Variants in LRRC37A observed in about 807,000 individuals in gnomAD.
LRRC37A encodes the protein leucine-rich repeat-containing protein 37A.
LRRC37A carries 3 observed loss-of-function variants against 35.4 expected under a neutral mutation model. That is an observed-to-expected ratio of 0.08 (90% CI 0.04 to 0.22). The LOEUF (loss-of-function observed/expected upper bound fraction) is 0.22. Ranked by LOEUF, LRRC37A falls within the 10% of genes least tolerant of loss-of-function variation. The pLI is 1.00. For synonymous variants in LRRC37A, 23 were observed against 215.0 expected (o/e 0.11, Z 7.81); for missense variants, 67 against 565.3 (o/e 0.12, Z 8.94).
chr17:46,259,019 A>ATTTTTCTTTTTTTT, the LRRC37A span, among the ~76,000 whole-genome samples: 1 of 79,450 alleles, frequency 1.3e-5, no homozygotes, highest in Non-Finnish European at 2.2e-5. Flanking sequence ...CACCCGGCCT[A>ATTTTTCTTTTTTTT]TTTTTTTTTT....
rs1385929297 is a variant in LRRC37A, at chr17:46,316,559, C to T, written c.2907-5763C>T. Among the ~76,000 whole-genome samples the T allele has an allele frequency of 3.0e-5, 2 of 66,130 alleles. 1 individual carries two copies. The highest frequency in any genetic ancestry group is 8.6e-5 in the Non-Finnish European group (2 of 23,124). 43.4% of individuals were successfully genotyped at this position (66,130 alleles called of 152,430 possible). On this transcript the variant is annotated intron_variant, in intron 5 of 13. Transcript: ENST00000320254. The stretch of plus-strand genomic sequence containing the variant: ...TAAGCAATGCTGTCACCTCAGCCTC[C>T]TGGGTAGCTGAGACTACAGGCATGC...
chr17:46,264,810 G>T, the LRRC37A span, among the ~76,000 whole-genome samples: 3 of 152,212 alleles, frequency 2.0e-5, no homozygotes, highest in African/African-American at 7.2e-5. Context: ...TACATTTCAG[G>T]GTGTGGGTTT....
the LRRC37A span, chr17:46,267,124 G>T: frequency 1.9e-6 from 1 of 517,814 alleles, no homozygotes; most frequent in African/African-American, 2.0e-5. Flanking sequence ...GCATGGACGG[G>T]CGAGAGGCGT....
chr17:46,286,228 C>T, the LRRC37A span, among the ~76,000 whole-genome samples: 12,791 of 138,140 alleles, frequency 0.093, 5 homozygotes, highest in Middle Eastern at 0.17. Flanking sequence ...CTTTCAAGAT[C>T]GACATTCCAG....
the LRRC37A span, among the ~76,000 whole-genome samples, chr17:46,256,954 T>C: frequency 6.6e-6 from 1 of 152,266 alleles, no homozygotes; most frequent in South Asian, 2.1e-4. Context: ...CTAACAGCTA[T>C]GTTTTATGTT....
At chr17:46,285,620 T>C in the LRRC37A span, among the ~76,000 whole-genome samples, 1 of 152,234 alleles carries the variant, frequency 6.6e-6, no homozygotes, top group Non-Finnish European at 1.5e-5. Flanking sequence ...GAGAGGAAGT[T>C]TCTTTAAAAA....
the LRRC37A span, among the ~76,000 whole-genome samples, chr17:46,262,006 G>C: frequency 6.6e-6 from 1 of 152,158 alleles, no homozygotes; most frequent in Non-Finnish European, 1.5e-5. Flanking sequence ...CTGGAGTGCA[G>C]TGATGCCACC....
chr17:46,249,373 G>A, the LRRC37A span, among the ~76,000 whole-genome samples: 32 of 152,112 alleles, frequency 2.1e-4, no homozygotes, highest in Non-Finnish European at 1.8e-4. Flanking sequence ...CTCCACTGCC[G>A]CCTGACACAC....
At chr17:46,291,764 A>G (rs1175107414), upstream of LRRC37A, among the ~76,000 whole-genome samples, 1 of 151,894 alleles carries the variant, frequency 6.6e-6, no homozygotes, top group Non-Finnish European at 1.5e-5. Flanking sequence ...GTCTCTACAA[A>G]AAAACAATGA....
chr17:46,325,999 T>C (rs2051713704), intron 7 of LRRC37A, among the ~76,000 whole-genome samples: 1 of 63,810 alleles, frequency 1.6e-5, no homozygotes, highest in African/African-American at 3.4e-5. Flanking sequence ...TTTGGGCTCA[T>C]GCCTGTAATC....
At chr17:46,266,236 C>T in the LRRC37A span, among the ~76,000 whole-genome samples, 1 of 152,232 alleles carries the variant, frequency 6.6e-6, no homozygotes. Context: ...GCGGCCATCA[C>T]TCTTTCTCCC....
chr17:46,250,265 G>A, the LRRC37A span, among the ~76,000 whole-genome samples: 1 of 151,856 alleles, frequency 6.6e-6, no homozygotes, highest in Non-Finnish European at 1.5e-5. Context: ...CGGGCCACTG[G>A]CTCCCAAATC....
At chr17:46,277,637 T>TTTTCTTTTC in the LRRC37A span, among the ~76,000 whole-genome samples, 88 of 150,354 alleles carry the variant, frequency 5.9e-4, no homozygotes, top group African/African-American at 1.0e-3. Context: ...TTTTCTTTTC[T>TTTTCTTTTC]TTTCTTTCTT....
the LRRC37A span, among the ~76,000 whole-genome samples, chr17:46,265,253 T>C: frequency 2.6e-4 from 1 of 3,812 alleles, no homozygotes; most frequent in African/African-American, 8.2e-4. Flanking sequence ...TCCTTTCTTC[T>C]TCTTCTTCTT....
the LRRC37A span, chr17:46,268,786 G>A: frequency 1.0e-6 from 1 of 959,828 alleles, no homozygotes; most frequent in East Asian, 3.4e-5. Flanking sequence ...CTTTAGAAGA[G>A]AGCCCAAAGC....
At chr17:46,282,065 G>A in the LRRC37A span, among the ~76,000 whole-genome samples, 2 of 151,958 alleles carry the variant, frequency 1.3e-5, no homozygotes, top group Admixed American at 6.6e-5. Flanking sequence ...ATAAAAATTG[G>A]ATACTTTAGC....
the LRRC37A span, among the ~76,000 whole-genome samples, chr17:46,272,523 T>C: frequency 6.6e-6 from 1 of 152,234 alleles, no homozygotes; most frequent in African/African-American, 2.4e-5. Flanking sequence ...CAAGTGATTC[T>C]CCTGCCTCAG....
chr17:46,332,686 G>C (rs2052048037), intron 10 of LRRC37A, 30 bp downstream of exon 10: 1 of 876,066 alleles, frequency 1.1e-6, no homozygotes, highest in Non-Finnish European at 1.8e-6. Context: ...CAGGTTTTCA[G>C]AATGCAGTCC....
chr17:46,282,447 C>T, the LRRC37A span, among the ~76,000 whole-genome samples: 7,783 of 133,242 alleles, frequency 0.058, 1 homozygote, highest in Non-Finnish European at 0.092. Context: ...CAAGTTCTTG[C>T]TGTGTCACCC....
Sources: gnomAD v4.1 joint callset for allele counts (sites outside exome capture counted in the v4.1 genomes callset) on GRCh38, gnomAD v4.1.1 for gene constraint, MANE v1.5 for transcripts, NCBI Gene and HGNC (gene_info 2026-07-23, HGNC 2026-07-21) for gene names.